Variants in NT5C2 observed in about 807,000 individuals in gnomAD.
NT5C2 encodes 5'-nucleotidase, cytosolic II.
NT5C2 carries 58 observed loss-of-function variants against 76.1 expected under a neutral mutation model. The ratio of observed to expected loss-of-function variants is 0.76; its 90% CI spans 0.62 to 0.95. The LOEUF (loss-of-function observed/expected upper bound fraction) is 0.95. Ranked by LOEUF, NT5C2 falls within the 40% of genes least tolerant of loss-of-function variation. The probability of loss-of-function intolerance (pLI) is 0.00; values close to 1 mark genes in which losing one functional copy is unlikely to be tolerated. For missense variants in NT5C2, 478 were observed against 690.3 expected (o/e 0.69, Z 3.45); for synonymous variants, 229 against 237.4 (o/e 0.96, Z 0.32).
chr10:103,090,836 T>C (rs1264093671), intron 17 of NT5C2, 49 bp from the exon 18 acceptor site: 1 of 1,599,776 alleles, frequency 6.3e-7, no homozygotes, highest in Non-Finnish European at 8.6e-7. Context: ...CAAATATTTA[T>C]TGAGCAGTAG....
At chr10:103,161,981 A>G (rs1310235670) in intron 3 of NT5C2, among the ~76,000 whole-genome samples, 3 of 152,280 alleles carry the variant, frequency 2.0e-5, no homozygotes, top group Middle Eastern at 3.4e-3. Flanking sequence ...GCCACTGAAT[A>G]ATATACTTCT....
chr10:103,134,527 G>A (rs1410610864), intron 4 of NT5C2, among the ~76,000 whole-genome samples: 1 of 152,218 alleles, frequency 6.6e-6, no homozygotes, highest in Non-Finnish European at 1.5e-5. Context: ...GTATGGAAAT[G>A]CCTGGATGTC....
chr10:103,155,521 AAAG>A (rs1236506344), intron 3 of NT5C2, among the ~76,000 whole-genome samples: 3 of 152,198 alleles, frequency 2.0e-5, no homozygotes, highest in Admixed American at 6.5e-5. Flanking sequence ...GCTAAGAGGA[AAAG>A]AAGAGGTCTC....
At chr10:103,151,052 A>G (rs750502647) in intron 3 of NT5C2, among the ~76,000 whole-genome samples, 21 of 152,184 alleles carry the variant, frequency 1.4e-4, no homozygotes, top group Admixed American at 5.9e-4. Context: ...CAAAGATTAT[A>G]TTCAGGTCTA....
rs2066526474 is a variant in NT5C2 at position 103,090,598 on chromosome 10, A to T, written c.1449+13T>A. The T allele has an allele frequency of 2.5e-6, 4 of 1,608,670 alleles. No homozygotes were observed. The Admixed American group carries it at 6.7e-5, about 27-fold the overall frequency. On this transcript the variant is annotated intron_variant, in intron 18 of 18. Transcript: ENST00000404739. ...AGAGTACATCTTGGCTGTCCATTACAGCTTTAACTCACCAAGACATGGGCA... is the reference window on the plus strand; with the variant it reads ...AGAGTACATCTTGGCTGTCCATTACTGCTTTAACTCACCAAGACATGGGCA...
At chr10:103,156,641 G>A (rs2083450796) in intron 3 of NT5C2, among the ~76,000 whole-genome samples, 1 of 151,964 alleles carries the variant, frequency 6.6e-6, no homozygotes, top group Non-Finnish European at 1.5e-5. Flanking sequence ...TGTAATCCCA[G>A]CTACTCGGGA....
Position 103,093,076 on chromosome 10 carries a change from G to A in NT5C2, c.1159+63C>T. The A allele has an allele frequency of 1.5e-6, 2 of 1,373,816 alleles. 1 individual carries two copies. The highest frequency in any genetic ancestry group is 3.6e-5 in the South Asian group (2 of 56,270). 85.1% of individuals were successfully genotyped at this position (1,373,816 alleles called of 1,614,324 possible). ...GAATACAAAGTAATGGTTTATCAAA[G>A]ACGACTGATTCAAAGCTGGTCATTT... On this transcript the variant is annotated intron_variant, in intron 15 of 18. Coordinates refer to ENST00000404739, the MANE Select transcript of NT5C2 (RefSeq NM_001351169.2).
chr10:103,158,286 CAATT>C (rs1313456964), intron 3 of NT5C2, among the ~76,000 whole-genome samples: 2 of 151,894 alleles, frequency 1.3e-5, no homozygotes, highest in Non-Finnish European at 2.9e-5. Context: ...AGAAACATCT[CAATT>C]AATAGCCTAG....
chr10:103,157,199 T>C (rs1329839858), intron 3 of NT5C2, among the ~76,000 whole-genome samples: 1 of 151,714 alleles, frequency 6.6e-6, no homozygotes, highest in Non-Finnish European at 1.5e-5. Context: ...AACCTAATTA[T>C]ACTGTATACA....
chr10:103,149,291 G>A (rs1256762746), intron 3 of NT5C2, among the ~76,000 whole-genome samples: 2 of 152,140 alleles, frequency 1.3e-5, no homozygotes, highest in African/African-American at 4.8e-5. Flanking sequence ...AATAATAGGA[G>A]TACTGATGAT....
chr10:103,111,764 AGT>A (rs952237669), intron 4 of NT5C2: 6 of 1,232,096 alleles, frequency 4.9e-6, no homozygotes, highest in Non-Finnish European at 6.1e-6. Context: ...ATGCAGATGC[AGT>A]GTGTGTCACT....
chr10:103,186,549 G>C (rs549027373), intron 1 of NT5C2, among the ~76,000 whole-genome samples: 3 of 152,284 alleles, frequency 2.0e-5, no homozygotes, highest in African/African-American at 7.2e-5. Flanking sequence ...CTCAGACCTA[G>C]AGAGAATTAA....
intron 1 of NT5C2, among the ~76,000 whole-genome samples, chr10:103,184,570 G>A (rs990293307): frequency 6.6e-6 from 1 of 152,134 alleles, no homozygotes; most frequent in African/African-American, 2.4e-5. Context: ...CCAGCATCTC[G>A]CACAGTAGAC....
rs760461845 is a variant in NT5C2, at chr10:103,093,173, G to C, written c.1125C>G (p.Leu375=). 2 of 1,609,724 alleles carry C rather than the reference G, an allele frequency of 1.2e-6. No individual in the cohort carries two copies. The highest frequency in any genetic ancestry group is 2.7e-5 in the African/African-American group (2 of 74,676). The change falls in exon 15 of 19, where the codon CTC becomes CTG. Residue 375 remains leucine (L), a synonymous_variant. Coordinates refer to ENST00000404739, the MANE Select transcript of NT5C2 (RefSeq NM_001351169.2). ...GWRTFLVIPE[L]AQELHVWTDK... ...CAGTCCAGACATGTAGCTCCTGTGC[G>C]AGTTCAGGAATCACCAAAAAAGTTC...
chr10:103,123,021 C>CT (rs746176215), intron 4 of NT5C2, among the ~76,000 whole-genome samples: 9 of 152,178 alleles, frequency 5.9e-5, no homozygotes, highest in Non-Finnish European at 1.3e-4. Flanking sequence ...ACTAATCTGT[C>CT]TTTTCTTATA....
At chr10:103,117,407 G>A (rs761284566) in intron 4 of NT5C2, among the ~76,000 whole-genome samples, 1 of 152,156 alleles carries the variant, frequency 6.6e-6, no homozygotes, top group Non-Finnish European at 1.5e-5. Flanking sequence ...AGCACTTTTG[G>A]GGGCTGGGGT....
intron 3 of NT5C2, among the ~76,000 whole-genome samples, chr10:103,160,511 G>A (rs1483827845): frequency 2.0e-5 from 3 of 152,110 alleles, no homozygotes; most frequent in Non-Finnish European, 4.4e-5. Flanking sequence ...TCTGATAAAG[G>A]TCTAGAATCC....
chr10:103,170,526 CT>C (rs71019664), intron 3 of NT5C2, among the ~76,000 whole-genome samples: 9,218 of 117,714 alleles, frequency 0.078, 333 homozygotes, highest in East Asian at 0.28. Flanking sequence ...CACATGCACA[CT>C]TTTTTTTTTT....
At chr10:103,129,607 C>T (rs1352681537) in intron 4 of NT5C2, among the ~76,000 whole-genome samples, 3 of 112,078 alleles carry the variant, frequency 2.7e-5, no homozygotes, top group Non-Finnish European at 4.0e-5. Context: ...CCAGCCGCCC[C>T]GTCCGGGAGG....
Sources: allele counts gnomAD v4.1 joint callset (sites outside exome capture counted in the v4.1 genomes callset), GRCh38; gene constraint gnomAD v4.1.1; transcripts MANE v1.5; gene names NCBI Gene and HGNC (gene_info 2026-07-23, HGNC 2026-07-21).